ZIC4: variants seen among roughly 807,000 people sequenced by gnomAD.
The protein encoded by ZIC4 is zinc finger protein ZIC 4.
Under a neutral mutation model 28.8 loss-of-function variants are expected in ZIC4, and 15 were observed. The observed-to-expected ratio is 0.52, with a 90% CI of 0.35 to 0.80. The LOEUF (loss-of-function observed/expected upper bound fraction) is 0.80. Ranked by LOEUF, ZIC4 falls within the 30% of genes least tolerant of loss-of-function variation. The pLI, the probability that ZIC4 is intolerant of heterozygous loss-of-function variation, is 0.01. For missense variants in ZIC4, 512 were observed against 467.1 expected (o/e 1.10, Z -0.89); for synonymous variants, 220 against 198.1 (o/e 1.11, Z -0.93).
At chr3:147,394,971 C>CT (rs1419151696) in intron 3 of ZIC4, among the ~76,000 whole-genome samples, 1 of 152,194 alleles carries the variant, frequency 6.6e-6, no homozygotes, top group Non-Finnish European at 1.5e-5. Flanking sequence ...CACCAGTCCC[C>CT]TTCTCCCGCC....
At chr3:147,391,927 A>T in intron 3 of ZIC4, 1 of 979,600 alleles carries the variant, frequency 1.0e-6, no homozygotes, top group Non-Finnish European at 1.2e-6. Context: ...CTTTCCTTCT[A>T]CCCCCTGAGG....
chr3:147,394,465 G>GT (rs1412924623), intron 3 of ZIC4, among the ~76,000 whole-genome samples: 1 of 91,282 alleles, frequency 1.1e-5, no homozygotes, highest in Non-Finnish European at 2.3e-5. Context: ...AAGTTTGTTT[G>GT]TTTAAAAAAA....
rs2087027044 is a variant in ZIC4, at chr3:147,395,770, C to T, written c.688+82G>A. 3.3e-6 allele frequency: 5 copies of T among 1,527,696 alleles called. No individual in the cohort carries two copies. The East Asian group carries it at 9.1e-5, about 28-fold the overall frequency. The allele number at this position is 1,527,696 out of a possible 1,614,324, so 94.6% of individuals were successfully genotyped here. On this transcript the variant is annotated intron_variant, in intron 3 of 4. Transcript: ENST00000383075. ...ACCCCAAAATATTTCCCCCTCCCCT[C>T]AGTTGGGACTTGAGGAAATCCAGAC...
At chr3:147,395,168 G>A (rs187376611) in intron 3 of ZIC4, among the ~76,000 whole-genome samples, 1 of 152,282 alleles carries the variant, frequency 6.6e-6, no homozygotes, top group Admixed American at 6.5e-5. Context: ...CTGGCCAGAG[G>A]AGTTCAATTT....
At chr3:147,402,895 G>A in intron 1 of ZIC4, 83 bp from the exon 2 acceptor site, 1 of 1,136,382 alleles carries the variant, frequency 8.8e-7, no homozygotes, top group African/African-American at 1.5e-5. Flanking sequence ...TTGAATGTAT[G>A]AATGAAAGAA....
intron 3 of ZIC4, chr3:147,392,713 G>A (rs1235471687): frequency 6.6e-6 from 1 of 152,454 alleles, no homozygotes; most frequent in Non-Finnish European, 1.5e-5. Context: ...CCCAATTCCC[G>A]AGCCCTGTTG....
intron 2 of ZIC4, among the ~76,000 whole-genome samples, chr3:147,402,263 T>G (rs2087180281): frequency 1.3e-5 from 2 of 152,224 alleles, no homozygotes; most frequent in Admixed American, 1.3e-4. Context: ...TGCAGAAGGC[T>G]GGTATCCCTG....
chr3:147,405,225 A>G, intron 1 of ZIC4: 1 of 736,962 alleles, frequency 1.4e-6, no homozygotes, highest in Non-Finnish European at 2.2e-6. Flanking sequence ...TAGAGTTTGT[A>G]TCAGTAGATC....
At position 147,391,260 on chromosome 3, in the gene ZIC4, C is replaced by G. The variant is rs374050219; in HGVS notation, c.689-14G>C. ...AGGGCTTCTCGCCTGGCGGAGGCAA[C>G]GCAGAGACATTAGTGCTTGTGGGTC... On this transcript the variant is annotated splice_polypyrimidine_tract_variant and intron_variant, in intron 3 of 4. Transcript: ENST00000383075. The G allele has an allele frequency of 4.5e-5, 71 of 1,566,972 alleles. No homozygotes were observed. In the African/African-American group the frequency reaches 9.0e-4, roughly 20 times the overall value.
Position 147,391,063 on chromosome 3 carries a change from G to T in ZIC4, c.872C>A (p.Ser291Ter). ...ATCGTAGCCAGAGCTGGGCGGCGGC[G>T]AGCGCCCGTGCACCTTCATGTGCTT... ...LRKHMKVHGR[S>*]PPPSSGYDSA... Residue 291 changes from serine to a stop codon, truncating the protein, a stop_gained, in exon 4 of 5, where the codon TCG becomes TAG. Coordinates refer to ENST00000383075, the MANE Select transcript of ZIC4 (RefSeq NM_032153.6). LOFTEE classifies it high-confidence loss of function. 1.2e-6 allele frequency: 2 copies of T among 1,613,932 alleles called. No individual in the cohort carries two copies. Among genetic ancestry groups the T allele is most frequent in the Non-Finnish European group, 1.7e-6 (2 of 1,180,032 alleles).
At chr3:147,397,483 T>C (rs1408198809) in intron 2 of ZIC4, among the ~76,000 whole-genome samples, 3 of 151,458 alleles carry the variant, frequency 2.0e-5, no homozygotes, top group Admixed American at 2.0e-4. Context: ...AATCCTTTTC[T>C]CTCCCCTTGA....
rs563104700 is a variant in ZIC4, at chr3:147,391,963, A to G, written c.689-717T>C. The G allele has an allele frequency of 3.0e-6, 3 of 985,368 alleles. No individual in the cohort carries two copies. The East Asian group carries it at 3.4e-4, about 112-fold the overall frequency. 61.0% of individuals were successfully genotyped at this position (985,368 alleles called of 1,614,324 possible). A position where few individuals can be genotyped will look rare whatever the true frequency, so the allele number is the denominator to read the frequency against. On this transcript the variant is annotated intron_variant, in intron 3 of 4. Coordinates refer to ENST00000383075, the MANE Select transcript of ZIC4 (RefSeq NM_032153.6). ...GCAAACATTTAGCAGCATTCTTCAA[A>G]TCTTGCCTAAACCTTCCGGGATCCC...
intron 1 of ZIC4, among the ~76,000 whole-genome samples, chr3:147,403,316 G>A (rs928899693): frequency 1.2e-4 from 19 of 152,138 alleles, no homozygotes; most frequent in African/African-American, 3.6e-4. Context: ...ATCCTGTTCT[G>A]CCTGTGGTGG....
chr3:147,402,121 A>C (rs1335872469), intron 2 of ZIC4, among the ~76,000 whole-genome samples: 1 of 152,122 alleles, frequency 6.6e-6, no homozygotes, highest in Non-Finnish European at 1.5e-5. Context: ...GGAAAATACC[A>C]CCCTAAATCA....
intron 4 of ZIC4, 119 bp from the exon 5 acceptor site, chr3:147,388,978 G>GA: frequency 1.4e-6 from 1 of 690,348 alleles, no homozygotes; most frequent in South Asian, 1.6e-5. Flanking sequence ...AGAAGACAAA[G>GA]AAAAAAGTCC....
At chr3:147,389,551 T>C (rs1302132241) in intron 4 of ZIC4, among the ~76,000 whole-genome samples, 1 of 152,128 alleles carries the variant, frequency 6.6e-6, no homozygotes, top group Non-Finnish European at 1.5e-5. Flanking sequence ...TAGCTAGGAT[T>C]TTGGGGCAGC....
rs1576452970 is a variant in ZIC4 at position 147,388,779 on chromosome 3, G to T, written c.*80C>A. On this transcript the variant is annotated 3_prime_UTR_variant, in exon 5 of 5. Coordinates refer to ENST00000383075, the MANE Select transcript of ZIC4 (RefSeq NM_032153.6). ...CGAAGAAACACTGCTTTGTGCGCGG[G>T]CCCTTTGATGTAGCAGGCGCGAGAT... 2.6e-6 allele frequency: 2 copies of T among 756,716 alleles called. No homozygotes were observed. The highest frequency in any genetic ancestry group is 4.9e-5 in the East Asian group (2 of 40,954). 46.9% of individuals were successfully genotyped at this position (756,716 alleles called of 1,614,324 possible).
intron 3 of ZIC4, chr3:147,393,858 C>G (rs1253776198): frequency 4.4e-6 from 2 of 456,596 alleles, no homozygotes; most frequent in South Asian, 3.1e-5. Flanking sequence ...CCCCGAGGCA[C>G]CATTGTTCCG....
chr3:147,392,262 G>T, intron 3 of ZIC4: 2 of 986,038 alleles, frequency 2.0e-6, no homozygotes, highest in South Asian at 9.4e-5. Flanking sequence ...CTGCTGTCAG[G>T]CCAGGCCTGG....
Sources: gnomAD v4.1 joint callset for allele counts (sites outside exome capture counted in the v4.1 genomes callset) on GRCh38, gnomAD v4.1.1 for gene constraint, MANE v1.5 for transcripts, NCBI Gene and HGNC (gene_info 2026-07-23, HGNC 2026-07-21) for gene names.